Variants in AIM2 observed in about 807,000 individuals in gnomAD.
AIM2 encodes the protein absent in melanoma 2, also known as interferon-inducible protein AIM2.
Under a neutral mutation model 27.7 loss-of-function variants are expected in AIM2, and 30 were observed. The ratio of observed to expected loss-of-function variants is 1.08; its 90% CI spans 0.81 to 1.47. The LOEUF (loss-of-function observed/expected upper bound fraction) is 1.47. Ranked by LOEUF, AIM2 falls within the 40% of genes most tolerant of loss-of-function variation. The pLI is 0.00. For synonymous variants in AIM2, 141 were observed against 145.3 expected (o/e 0.97, Z 0.21); for missense variants, 358 against 411.3 (o/e 0.87, Z 1.12).
At chr1:159,065,279 G>A (rs1172101235) in intron 4 of AIM2, among the ~76,000 whole-genome samples, 2 of 152,036 alleles carry the variant, frequency 1.3e-5, no homozygotes, top group African/African-American at 4.8e-5. Flanking sequence ...GAGCGCCTCT[G>A]CCCCGCGGCC....
At chr1:159,133,952 A>T (rs891663702) in intron 1 of AIM2, among the ~76,000 whole-genome samples, 2 of 152,160 alleles carry the variant, frequency 1.3e-5, no homozygotes, top group Non-Finnish European at 2.9e-5. Context: ...TCACCTTCAT[A>T]CGTGTGTGAC....
chr1:159,067,043 A>G (rs2101969776), intron 3 of AIM2, among the ~76,000 whole-genome samples: 1 of 152,370 alleles, frequency 6.6e-6, no homozygotes, highest in African/African-American at 2.4e-5. Context: ...AGATTTGGTT[A>G]AATAAAATAG....
intron 1 of AIM2, among the ~76,000 whole-genome samples, chr1:159,118,711 A>C (rs1647450032): frequency 6.6e-6 from 1 of 152,166 alleles, no homozygotes; most frequent in Non-Finnish European, 1.5e-5. Flanking sequence ...TTATTTCAGG[A>C]TATCAAAATG....
At chr1:159,124,164 C>A (rs934467354) in intron 1 of AIM2, among the ~76,000 whole-genome samples, 1 of 152,074 alleles carries the variant, frequency 6.6e-6, no homozygotes, top group Non-Finnish European at 1.5e-5. Flanking sequence ...CTGCTCATTG[C>A]TTACTCTCAA....
intron 1 of AIM2, among the ~76,000 whole-genome samples, chr1:159,116,172 T>A (rs7413337): frequency 6.6e-6 from 1 of 150,742 alleles, no homozygotes; most frequent in Non-Finnish European, 1.5e-5. Context: ...TCACTAAAAA[T>A]TCAGGAAACA....
chr1:159,076,065 A>G (rs1285589230), intron 1 of AIM2, among the ~76,000 whole-genome samples: 1 of 152,236 alleles, frequency 6.6e-6, no homozygotes, highest in African/African-American at 2.4e-5. Context: ...TAAGGAATAC[A>G]TTAAAAATAT....
intron 1 of AIM2, among the ~76,000 whole-genome samples, chr1:159,096,542 C>A (rs927768042): frequency 6.6e-6 from 1 of 152,104 alleles, no homozygotes; most frequent in South Asian, 2.1e-4. Flanking sequence ...TATATATCCA[C>A]GGGCTCCTTT....
At chr1:159,133,758 A>C (rs1647954575) in intron 1 of AIM2, among the ~76,000 whole-genome samples, 1 of 152,018 alleles carries the variant, frequency 6.6e-6, no homozygotes, top group Non-Finnish European at 1.5e-5. Flanking sequence ...TCTCCCCACT[A>C]CTTCTCCGAC....
chr1:159,116,999 A>T (rs1647375190), intron 1 of AIM2, among the ~76,000 whole-genome samples: 1 of 152,172 alleles, frequency 6.6e-6, no homozygotes, highest in Non-Finnish European at 1.5e-5. Flanking sequence ...ATTGGATTTG[A>T]CTATCAAGTT....
At chr1:159,095,708 G>T (rs547382963) in intron 1 of AIM2, among the ~76,000 whole-genome samples, 1 of 152,180 alleles carries the variant, frequency 6.6e-6, no homozygotes, top group Admixed American at 6.5e-5. Context: ...TATAAAGGAT[G>T]CTTGGAAATC....
intron 1 of AIM2, among the ~76,000 whole-genome samples, chr1:159,086,910 G>A (rs1187790969): frequency 6.6e-6 from 1 of 152,114 alleles, no homozygotes; most frequent in Non-Finnish European, 1.5e-5. Context: ...TTTTATGAGG[G>A]CTAATGTCTT....
chr1:159,104,249 CT>C (rs1657378853), intron 1 of AIM2, among the ~76,000 whole-genome samples: 3 of 152,176 alleles, frequency 2.0e-5, no homozygotes, highest in Admixed American at 2.0e-4. Context: ...GGCTTCTCCC[CT>C]GATATTGAAA....
chr1:159,097,431 A>G (rs914726910), intron 1 of AIM2, among the ~76,000 whole-genome samples: 5 of 152,060 alleles, frequency 3.3e-5, no homozygotes, highest in East Asian at 1.9e-4. Context: ...GCAACCCAAA[A>G]TATTATCTTT....
intron 4 of AIM2, 134 bp downstream of exon 4, chr1:159,065,776 G>T: frequency 3.1e-6 from 3 of 975,700 alleles, no homozygotes; most frequent in Non-Finnish European, 4.2e-6. Context: ...TTACTCTGCA[G>T]CTCTTTAGAA....
At chr1:159,092,429 C>T (rs1016255370) in intron 1 of AIM2, among the ~76,000 whole-genome samples, 1 of 152,172 alleles carries the variant, frequency 6.6e-6, no homozygotes, top group Non-Finnish European at 1.5e-5. Context: ...AGATTAGAGA[C>T]TGGCCCCTCT....
intron 1 of AIM2, among the ~76,000 whole-genome samples, chr1:159,126,444 G>A (rs961505934): frequency 2.6e-5 from 4 of 152,028 alleles, no homozygotes; most frequent in Admixed American, 6.6e-5. Flanking sequence ...TCAGGAGATC[G>A]AGACCATCCT....
At chr1:159,089,184 T>A (rs1656990703) in intron 1 of AIM2, among the ~76,000 whole-genome samples, 1 of 152,226 alleles carries the variant, frequency 6.6e-6, no homozygotes, top group Non-Finnish European at 1.5e-5. Flanking sequence ...ACCTAGGTGC[T>A]TATAAGCATT....
chr1:159,119,696 C>T (rs1647478072), intron 1 of AIM2, among the ~76,000 whole-genome samples: 1 of 152,036 alleles, frequency 6.6e-6, no homozygotes, highest in African/African-American at 2.4e-5. Context: ...GTGCTCAATA[C>T]TACTGGTTCA....
At chr1:159,099,956 C>T (rs1476401858) in intron 1 of AIM2, among the ~76,000 whole-genome samples, 2 of 152,222 alleles carry the variant, frequency 1.3e-5, no homozygotes, top group African/African-American at 4.8e-5. Flanking sequence ...CAGCCTTTCC[C>T]CTCATTTTAG....
Sources: gnomAD v4.1 joint callset for allele counts (sites outside exome capture counted in the v4.1 genomes callset) on GRCh38, gnomAD v4.1.1 for gene constraint, MANE v1.5 for transcripts, NCBI Gene and HGNC (gene_info 2026-07-23, HGNC 2026-07-21) for gene names.